CCDC12: variants seen among roughly 807,000 people sequenced by gnomAD.
CCDC12 encodes coiled-coil domain containing 12.
Under a neutral mutation model 25.7 loss-of-function variants are expected in CCDC12, and 28 were observed. The observed-to-expected ratio is 1.09, with a 90% CI of 0.81 to 1.50. CCDC12 has a LOEUF of 1.50. Ranked by LOEUF, CCDC12 falls within the 40% of genes most tolerant of loss-of-function variation. CCDC12 has a pLI of 0.00. For synonymous variants in CCDC12, 75 were observed against 87.7 expected (o/e 0.86, Z 0.81); for missense variants, 198 against 210.0 (o/e 0.94, Z 0.35).
chr3:46,950,873 A>G, intron 1 of CCDC12, among the ~76,000 whole-genome samples: 1 of 152,238 alleles, frequency 6.6e-6, no homozygotes, highest in East Asian at 1.9e-4. Context: ...AATCTGGGGA[A>G]CATTATGCTA....
At chr3:46,938,705 G>T (rs1053170118) in intron 2 of CCDC12, among the ~76,000 whole-genome samples, 1 of 151,582 alleles carries the variant, frequency 6.6e-6, no homozygotes, top group African/African-American at 2.4e-5. Context: ...AAAATTAGCT[G>T]GGCATAGTGG....
intron 1 of CCDC12, among the ~76,000 whole-genome samples, chr3:46,974,483 C>T (rs1022108663): frequency 2.6e-5 from 4 of 152,170 alleles, no homozygotes; most frequent in African/African-American, 9.7e-5. Flanking sequence ...CAATAACCTG[C>T]CCTAAATCCA....
At chr3:46,967,170 G>A (rs1334762053) in intron 1 of CCDC12, among the ~76,000 whole-genome samples, 2 of 152,032 alleles carry the variant, frequency 1.3e-5, no homozygotes, top group African/African-American at 4.8e-5. Flanking sequence ...CCAGACTCTT[G>A]CCTTCCCCTT....
chr3:46,949,593 AGTG>A (rs1249115577), intron 1 of CCDC12, among the ~76,000 whole-genome samples: 3 of 152,186 alleles, frequency 2.0e-5, no homozygotes, highest in Admixed American at 2.0e-4. Flanking sequence ...ACTGCTTACC[AGTG>A]GTGGGACCTC....
chr3:46,966,988 GGGCACA>G (rs1349388675), intron 1 of CCDC12, among the ~76,000 whole-genome samples: 1 of 152,006 alleles, frequency 6.6e-6, no homozygotes, highest in East Asian at 1.9e-4. Flanking sequence ...GCGAGCCTCA[GGGCACA>G]GAATGATCTC....
intron 1 of CCDC12, among the ~76,000 whole-genome samples, chr3:46,964,905 C>A (rs966832023): frequency 2.8e-4 from 43 of 151,916 alleles, no homozygotes; most frequent in African/African-American, 9.2e-4. Flanking sequence ...GTCCTATGAC[C>A]CTGCCATATC....
At chr3:46,956,447 C>T (rs2034289961) in intron 1 of CCDC12, among the ~76,000 whole-genome samples, 1 of 152,206 alleles carries the variant, frequency 6.6e-6, no homozygotes, top group Admixed American at 6.5e-5. Flanking sequence ...TGAGGCCACA[C>T]TCAGCTGCCT....
At chr3:46,980,395 G>A (rs929934109), upstream of CCDC12, among the ~76,000 whole-genome samples, 4 of 152,256 alleles carry the variant, frequency 2.6e-5, no homozygotes, top group African/African-American at 7.2e-5. Context: ...GTAGGGAGGT[G>A]TGTGGAAGGG....
At position 46,947,503 on chromosome 3, in the gene CCDC12, A is replaced by C. The variant is rs76786742; in HGVS notation, c.97-6438T>G. Among the ~76,000 whole-genome samples, 24 of 152,240 alleles carry C rather than the reference A, an allele frequency of 1.6e-4. No individual in the cohort carries two copies. In the East Asian group the frequency reaches 4.2e-3, roughly 27 times the overall value. On this transcript the variant is annotated intron_variant, in intron 1 of 6. Coordinates refer to ENST00000683445, the MANE Select transcript of CCDC12 (RefSeq NM_001277074.2). ...AGTGATAAGAAGTGAGCTGAACACC[A>C]CCATGCCTGGGACCAGAAACTGCAC...
At chr3:46,943,806 A>T (rs900014641) in intron 1 of CCDC12, among the ~76,000 whole-genome samples, 3 of 152,230 alleles carry the variant, frequency 2.0e-5, no homozygotes, top group Non-Finnish European at 4.4e-5. Context: ...TGAGGTTAAA[A>T]ATGACCCCAG....
chr3:46,972,740 C>G (rs1310512830), intron 1 of CCDC12, among the ~76,000 whole-genome samples: 1 of 148,620 alleles, frequency 6.7e-6, no homozygotes, highest in Non-Finnish European at 1.5e-5. Context: ...TCAAGACCGG[C>G]CTGGGGCAAC....
At chr3:46,964,266 C>A (rs1445518657) in intron 1 of CCDC12, among the ~76,000 whole-genome samples, 2 of 151,994 alleles carry the variant, frequency 1.3e-5, no homozygotes, top group Admixed American at 6.5e-5. Context: ...CCGGCAGCCA[C>A]CCCGTCCGGG....
At chr3:46,976,879 G>GCCCTCCCCGCCTTGC, upstream of CCDC12, 6 of 1,346,222 alleles carry the variant, frequency 4.5e-6, no homozygotes, top group East Asian at 5.6e-5. Flanking sequence ...TTATGGGCGA[G>GCCCTCCCCGCCTTGC]CCCTCCCCGC....
chr3:46,940,451 A>T (rs2033655257), intron 2 of CCDC12, among the ~76,000 whole-genome samples: 1 of 152,238 alleles, frequency 6.6e-6, no homozygotes, highest in Non-Finnish European at 1.5e-5. Flanking sequence ...ACAACGAGAA[A>T]GGCGCCCTTT....
rs747838861 is a variant in CCDC12, at chr3:46,922,051, C to T, written c.*6G>A. ...CTGATGGGCGAGTGGTGGGGCAGGG[C>T]ATGCCTCAGTCGGAGTCACAGGTCT... On this transcript the variant is annotated 3_prime_UTR_variant, in exon 7 of 7. Coordinates refer to ENST00000683445, the MANE Select transcript of CCDC12 (RefSeq NM_001277074.2). 1.2e-6 allele frequency: 2 copies of T among 1,613,598 alleles called. No individual in the cohort carries two copies. The highest frequency in any genetic ancestry group is 1.7e-6 in the Non-Finnish European group (2 of 1,179,988).
At chr3:46,925,316 G>T (rs753916667) in intron 3 of CCDC12, 140 bp downstream of exon 3, 2 of 753,474 alleles carry the variant, frequency 2.7e-6, no homozygotes, top group Non-Finnish European at 4.8e-6. Flanking sequence ...CATCTGCCAT[G>T]AGATGGTAAC....
chr3:46,958,125 C>T (rs913606235), intron 1 of CCDC12, among the ~76,000 whole-genome samples: 2 of 152,006 alleles, frequency 1.3e-5, no homozygotes, highest in Admixed American at 6.6e-5. Flanking sequence ...GAATTCTTAA[C>T]AGGATCTGTT....
At position 46,922,297 on chromosome 3, in the gene CCDC12, A is replaced by T; in HGVS notation, c.357T>A (p.Asp119Glu). 2 of 1,614,152 alleles carry T rather than the reference A, an allele frequency of 1.2e-6. No individual in the cohort carries two copies. The highest frequency in any genetic ancestry group is 1.7e-6 in the Non-Finnish European group (2 of 1,180,014). ...TTAGTTTCTCCAGCTTCTTGGCCAC[A>T]TCTCTCTTGAGGTCCCTGGAGCAGG... ...PRKPDWDLKR[D>E]VAKKLEKLKK... Residue 119 changes from aspartate to glutamate, a missense_variant, in exon 6 of 7, where the codon GAT (aspartate) becomes GAA (glutamate). Coordinates refer to ENST00000683445, the MANE Select transcript of CCDC12 (RefSeq NM_001277074.2).
chr3:46,940,666 AGTGCAGAAG>A, intron 2 of CCDC12: 1 of 290,126 alleles, frequency 3.4e-6, no homozygotes, highest in East Asian at 7.0e-5. Flanking sequence ...TCACATGCCA[AGTGCAGAAG>A]GGGCACTTAC....
Sources: allele counts gnomAD v4.1 joint callset (sites outside exome capture counted in the v4.1 genomes callset), GRCh38; gene constraint gnomAD v4.1.1; transcripts MANE v1.5; gene names NCBI Gene and HGNC (gene_info 2026-07-23, HGNC 2026-07-21).